The following RABGAP1L variants were observed in gnomAD, a reference collection of about 807,000 sequenced individuals.
RABGAP1L encodes the protein RAB GTPase activating protein 1 like.
In RABGAP1L, 63 loss-of-function variants were observed where a neutral mutation model predicts 137.7. The observed-to-expected ratio is 0.46, with a 90% confidence interval of 0.37 to 0.56. The LOEUF (loss-of-function observed/expected upper bound fraction) is 0.56. Ranked by LOEUF, RABGAP1L falls within the 20% of genes least tolerant of loss-of-function variation. The pLI is 0.00. For synonymous variants in RABGAP1L, 431 were observed against 433.7 expected (o/e 0.99, Z 0.08); for missense variants, 1,095 against 1,244.0 (o/e 0.88, Z 1.80).
intron 19 of RABGAP1L, among the ~76,000 whole-genome samples, chr1:174,859,794 G>A (rs376786982): frequency 5.3e-5 from 8 of 151,836 alleles, no homozygotes; most frequent in African/African-American, 1.5e-4. Context: ...CATGGCACAC[G>A]TTTGCCTGTG....
intron 21 of RABGAP1L, among the ~76,000 whole-genome samples, chr1:174,974,459 C>T (rs1670473360): frequency 1.3e-5 from 2 of 152,130 alleles, no homozygotes; most frequent in Admixed American, 1.3e-4. Flanking sequence ...TTTTAAAATG[C>T]CGTACTTTAT....
rs1160345165 is a variant in RABGAP1L at position 174,586,322 on chromosome 1, T to C, written c.1711-51053T>C. 2.0e-5 allele frequency among the ~76,000 whole-genome samples: 3 copies of C among 149,308 alleles called. No homozygotes were observed. In the East Asian group the frequency reaches 6.1e-4, roughly 30 times the overall value. On this transcript the variant is annotated intron_variant, in intron 13 of 25. Coordinates refer to ENST00000681986, the MANE Select transcript of RABGAP1L (RefSeq NM_001366446.1). ...ACAGAAAACCAAACACCTCGTGTTG[T>C]AAGTAGGAGCTGAACAATGAGAACA...
At chr1:174,465,756 CTCA>C (rs1657226299) in intron 13 of RABGAP1L, among the ~76,000 whole-genome samples, 1 of 152,162 alleles carries the variant, frequency 6.6e-6, no homozygotes, top group African/African-American at 2.4e-5. Context: ...TTACAAATAT[CTCA>C]TCATTTTGGT....
At chr1:174,833,402 A>G (rs6425296) in intron 19 of RABGAP1L, among the ~76,000 whole-genome samples, 12,036 of 44,772 alleles carry the variant, frequency 0.27, 917 homozygotes, top group East Asian at 0.53. Flanking sequence ...GTGTGTGTGT[A>G]TGTGTGTATG....
At position 174,380,335 on chromosome 1, in the gene RABGAP1L, A is replaced by G. The variant is rs1384976904; in HGVS notation, c.1559+9263A>G. On this transcript the variant is annotated intron_variant, in intron 12 of 25. Transcript: ENST00000681986. ...GTTAGGGAGGATTCCCTCTTTTTCT[A>G]TTGATTGGAATAGTTTCAGAAGGAA... Among the ~76,000 whole-genome samples, 4 of 151,978 alleles carry G rather than the reference A, an allele frequency of 2.6e-5. 1 individual carries two copies. The highest frequency in any genetic ancestry group is 7.2e-5 in the African/African-American group (3 of 41,470).
intron 11 of RABGAP1L, among the ~76,000 whole-genome samples, chr1:174,345,941 G>C (rs1042613789): frequency 6.6e-6 from 1 of 151,858 alleles, no homozygotes; most frequent in Non-Finnish European, 1.5e-5. Flanking sequence ...TTTTTTTTGA[G>C]GGGTTTTATC....
intron 19 of RABGAP1L, among the ~76,000 whole-genome samples, chr1:174,816,147 CTTTTTTTTT>C (rs67065448): frequency 1.2e-5 from 1 of 86,154 alleles, no homozygotes; most frequent in African/African-American, 4.3e-5. Context: ...TAATACATAG[CTTTTTTTTT>C]TTTTTTTTTT....
chr1:174,780,825 G>A (rs1049597203), intron 18 of RABGAP1L, among the ~76,000 whole-genome samples: 3 of 147,812 alleles, frequency 2.0e-5, no homozygotes, highest in African/African-American at 7.5e-5. Flanking sequence ...GCGGTGTTTG[G>A]TTTTTTGTTC....
At chr1:174,513,525 A>G (rs2147812643) in intron 13 of RABGAP1L, among the ~76,000 whole-genome samples, 1 of 152,292 alleles carries the variant, frequency 6.6e-6, no homozygotes, top group South Asian at 2.1e-4. Flanking sequence ...AGGTAGAAAG[A>G]TCACTTGAGC....
chr1:174,523,093 C>G (rs1663570404), intron 13 of RABGAP1L, among the ~76,000 whole-genome samples: 1 of 152,122 alleles, frequency 6.6e-6, no homozygotes, highest in African/African-American at 2.4e-5. Context: ...TATTGGTAAT[C>G]AAGTATATAT....
intron 11 of RABGAP1L, among the ~76,000 whole-genome samples, chr1:174,352,842 C>A (rs1345301306): frequency 6.6e-6 from 1 of 152,146 alleles, no homozygotes; most frequent in African/African-American, 2.4e-5. Flanking sequence ...TTTAGAGGTA[C>A]CTCTTTGGTG....
intron 19 of RABGAP1L, among the ~76,000 whole-genome samples, chr1:174,859,878 A>G (rs1272602149): frequency 1.3e-5 from 2 of 151,610 alleles, no homozygotes; most frequent in South Asian, 2.1e-4. Flanking sequence ...AACAATTTTT[A>G]TATAGCAGTA....
intron 13 of RABGAP1L, among the ~76,000 whole-genome samples, chr1:174,410,924 G>A (rs1009658199): frequency 6.6e-6 from 1 of 152,066 alleles, no homozygotes; most frequent in African/African-American, 2.4e-5. Context: ...TTTGAGCAAT[G>A]TTTTGTAGTT....
chr1:174,674,536 C>T (rs886404871), intron 14 of RABGAP1L, among the ~76,000 whole-genome samples: 71 of 151,248 alleles, frequency 4.7e-4, no homozygotes, highest in Non-Finnish European at 7.7e-4. Flanking sequence ...TGAATAGTGC[C>T]GCAATAAACA....
chr1:174,770,334 A>G (rs958006720), intron 18 of RABGAP1L, among the ~76,000 whole-genome samples: 2 of 152,224 alleles, frequency 1.3e-5, no homozygotes, highest in African/African-American at 4.8e-5. Flanking sequence ...TACTCAAGGA[A>G]TTTTAAAGTT....
chr1:174,440,833 C>T (rs1466641137), intron 13 of RABGAP1L, among the ~76,000 whole-genome samples: 1 of 152,086 alleles, frequency 6.6e-6, no homozygotes, highest in Non-Finnish European at 1.5e-5. Context: ...CCTGGGATTA[C>T]AGGTGTGAGC....
At chr1:174,914,306 GAGA>G (rs1660508343) in intron 19 of RABGAP1L, among the ~76,000 whole-genome samples, 1 of 152,200 alleles carries the variant, frequency 6.6e-6, no homozygotes, top group Admixed American at 6.5e-5. Context: ...GAAAGGAAGA[GAGA>G]ATACATCCCT....
At chr1:174,270,547 A>G (rs946320854) in intron 7 of RABGAP1L, among the ~76,000 whole-genome samples, 2 of 152,124 alleles carry the variant, frequency 1.3e-5, no homozygotes, top group Non-Finnish European at 2.9e-5. Context: ...TTATCTCTAC[A>G]TAATGCATAC....
intron 11 of RABGAP1L, among the ~76,000 whole-genome samples, chr1:174,307,502 T>C (rs2148781787): frequency 6.6e-6 from 1 of 152,294 alleles, no homozygotes; most frequent in African/African-American, 2.4e-5. Flanking sequence ...ATCTGCTTTC[T>C]ATCTCTATGG....
Sources: gnomAD v4.1 joint callset for allele counts (sites outside exome capture counted in the v4.1 genomes callset) on GRCh38, gnomAD v4.1.1 for gene constraint, MANE v1.5 for transcripts, NCBI Gene and HGNC (gene_info 2026-07-23, HGNC 2026-07-21) for gene names.